MED13: variants seen among roughly 807,000 people sequenced by gnomAD.
MED13 encodes the protein mediator complex subunit 13.
MED13 carries 23 observed loss-of-function variants against 225.2 expected under a neutral mutation model. The ratio of observed to expected loss-of-function variants is 0.10; its 90% CI spans 0.07 to 0.14. MED13 has a LOEUF of 0.14. MED13 is among the 10% of genes least tolerant of loss of function. The pLI is 1.00. For synonymous variants in MED13, 942 were observed against 889.2 expected (o/e 1.06, Z -1.06); for missense variants, 2,197 against 2,594.5 (o/e 0.85, Z 3.33).
chr17:61,987,441 A>G (rs1048517339), intron 11 of MED13, among the ~76,000 whole-genome samples: 2 of 152,130 alleles, frequency 1.3e-5, no homozygotes, highest in African/African-American at 4.8e-5. Flanking sequence ...CTTAAAAACA[A>G]AAACAAAAAA....
intron 26 of MED13, among the ~76,000 whole-genome samples, chr17:61,954,972 G>A (rs934105278): frequency 6.6e-6 from 1 of 152,058 alleles, no homozygotes; most frequent in African/African-American, 2.4e-5. Context: ...CAGTTTCGTT[G>A]GACTGCAATC....
At position 62,029,911 on chromosome 17, in the gene MED13, A is replaced by G; in HGVS notation, c.1112T>C (p.Leu371Ser). 6.2e-7 allele frequency: 1 copy of G among 1,613,976 alleles called. No individual in the cohort carries two copies. Among genetic ancestry groups the G allele is most frequent in the Non-Finnish European group, 8.5e-7 (1 of 1,179,976 alleles). ...SHHGGKIPRKLANHVVDRVWQ... is the reference protein window; with the variant it reads ...SHHGGKIPRKSANHVVDRVWQ... Reference sequence around the variant, plus strand: ...AACTCTATCCACCACATGATTTGCTAATTTTCTGGGTATTTTCCCACCATG... The same window carrying G: ...AACTCTATCCACCACATGATTTGCTGATTTTCTGGGTATTTTCCCACCATG... Residue 371 changes from leucine (L) to serine (S), a missense_variant, in exon 7 of 30, where the codon TTA (leucine) becomes TCA (serine). By Grantham distance (145) the Leu-to-Ser change is moderately radical (BLOSUM62 -2). Around this residue, in one of 12 missense-constraint regions of MED13, gnomAD observed 884 missense variants for 918.5 expected, o/e 0.96. Coordinates refer to ENST00000397786, the MANE Select transcript of MED13 (RefSeq NM_005121.3).
At chr17:62,014,119 A>G (rs2080538282) in intron 8 of MED13, among the ~76,000 whole-genome samples, 1 of 151,930 alleles carries the variant, frequency 6.6e-6, no homozygotes, top group African/African-American at 2.4e-5. Context: ...CAATCTTAAC[A>G]TTACTAGATA....
chr17:61,965,951 T>C (rs544948369), intron 19 of MED13, among the ~76,000 whole-genome samples: 224 of 151,890 alleles, frequency 1.5e-3, no homozygotes, highest in African/African-American at 5.2e-3. Context: ...GGAAGTCCAC[T>C]GATCTTTATT....
chr17:62,014,040 C>T (rs116632166), intron 8 of MED13, among the ~76,000 whole-genome samples: 11,391 of 151,694 alleles, frequency 0.075, 1,476 homozygotes, highest in African/African-American at 0.26. Flanking sequence ...CTCTGTCCCA[C>T]CCCCCACCAA....
Position 61,995,270 on chromosome 17 carries a change from T to C in MED13, c.2063A>G (p.Asp688Gly). The part of the protein sequence containing the change: ...KNQCLSAIAS[D>G]AEQEPKIDPY... ...ATCAATTTTAGGTTCTTGTTCTGCATCAGATGCTATTGCTGAAAGACACTG... is the reference window on the plus strand; with the variant it reads ...ATCAATTTTAGGTTCTTGTTCTGCACCAGATGCTATTGCTGAAAGACACTG... Residue 688 changes from aspartate to glycine, a missense_variant, in exon 10 of 30, where the codon GAT becomes GGT. Physicochemically the swap from Asp to Gly is moderately conservative, Grantham distance 94 (BLOSUM62 -1). Transcript: ENST00000397786. The C allele has an allele frequency of 6.2e-7, 1 of 1,613,828 alleles. No homozygotes were observed. The highest frequency in any genetic ancestry group is 8.5e-7 in the Non-Finnish European group (1 of 1,179,856).
At chr17:62,055,165 C>T (rs2080986573) in intron 2 of MED13, among the ~76,000 whole-genome samples, 1 of 152,142 alleles carries the variant, frequency 6.6e-6, no homozygotes, top group African/African-American at 2.4e-5. Flanking sequence ...GAGGCCAAGG[C>T]AAGTGGACCA....
rs1214697306 is a variant in MED13, at chr17:61,965,422, C to T, written c.4428G>A (p.Gln1476=). ...GACTTGTAGGGGCAACTAAATTTGG[C>T]TGGGAAAGTAGAGAGCTGTCCAATG... The part of the protein sequence containing the change: ...SLPLDSSLLS[Q]PNLVAPTSQS... Residue 1476 remains glutamine, a synonymous_variant, in exon 20 of 30, where the codon CAG becomes CAA. Transcript: ENST00000397786. 1 of 1,614,066 alleles carries T rather than the reference C, an allele frequency of 6.2e-7. No homozygotes were observed. Among genetic ancestry groups the T allele is most frequent in the Non-Finnish European group, 8.5e-7 (1 of 1,179,984 alleles).
chr17:61,988,812 CT>C (rs1196681595), intron 11 of MED13, among the ~76,000 whole-genome samples: 1 of 151,378 alleles, frequency 6.6e-6, no homozygotes, highest in Admixed American at 6.6e-5. Context: ...TATACAGGTA[CT>C]TTTTTTTATG....
intron 23 of MED13, among the ~76,000 whole-genome samples, chr17:61,958,550 G>T (rs1363078054): frequency 1.3e-5 from 2 of 152,016 alleles, no homozygotes; most frequent in Non-Finnish European, 2.9e-5. Flanking sequence ...TGTTGGCCAG[G>T]ATGGTCTTGA....
At chr17:61,992,458 C>A in intron 11 of MED13, 82 bp downstream of exon 11, 1 of 799,024 alleles carries the variant, frequency 1.3e-6, no homozygotes, top group Non-Finnish European at 2.1e-6. Context: ...CAAAAAGGAA[C>A]ATTAGAAGTC....
chr17:62,037,955 C>CAAAAAAAAAAAAAAAAAAAA (rs397857634), intron 3 of MED13, among the ~76,000 whole-genome samples: 1 of 64,728 alleles, frequency 1.5e-5, no homozygotes, highest in Non-Finnish European at 3.1e-5. Context: ...GACTTCATCT[C>CAAAAAAAAAAAAAAAAAAAA]AAAAAAAAAA....
chr17:62,042,712 T>C lies in MED13; in HGVS notation c.471-7104A>G, dbSNP rs192424972. Among the ~76,000 whole-genome samples the C allele has an allele frequency of 7.9e-5, 12 of 152,154 alleles. No homozygotes were observed. The East Asian group carries it at 2.1e-3, about 27-fold the overall frequency. The stretch of plus-strand genomic sequence containing the variant: ...ACTATTTCCTGTAACTTAAAAAAAA[T>C]ACATGTGTAGGAGACATATCGGTCT... On this transcript the variant is annotated intron_variant, in intron 3 of 29. Coordinates refer to ENST00000397786, the MANE Select transcript of MED13 (RefSeq NM_005121.3).
chr17:62,038,253 G>T (rs983375100), intron 3 of MED13, among the ~76,000 whole-genome samples: 1 of 151,970 alleles, frequency 6.6e-6, no homozygotes, highest in South Asian at 2.1e-4. Flanking sequence ...AATTAGCTAG[G>T]TGGGGTGTGG....
intron 10 of MED13, among the ~76,000 whole-genome samples, chr17:61,994,773 G>T (rs182561876): frequency 6.6e-6 from 1 of 152,302 alleles, no homozygotes; most frequent in African/African-American, 2.4e-5. Flanking sequence ...GCAGTAGCCT[G>T]ATCTTGGCTC....
At chr17:61,957,258 G>A (rs1414147401) in intron 23 of MED13, among the ~76,000 whole-genome samples, 1 of 152,074 alleles carries the variant, frequency 6.6e-6, no homozygotes, top group Non-Finnish European at 1.5e-5. Flanking sequence ...TGTTGGCCAG[G>A]CTGGTCTCAA....
At chr17:62,005,294 C>T (rs575469225) in intron 9 of MED13, 16 of 152,290 alleles carry the variant, frequency 1.1e-4, no homozygotes, top group Admixed American at 3.9e-4. Context: ...ATTAACAATC[C>T]AGATTAATTT....
rs376182430 is a variant in MED13, at chr17:61,982,343, C to A, written c.3660G>T (p.Trp1220Cys). 1 of 1,614,166 alleles carries A rather than the reference C, an allele frequency of 6.2e-7. No homozygotes were observed. The highest frequency in any genetic ancestry group is 8.5e-7 in the Non-Finnish European group (1 of 1,180,026). ...PFPKSGVISNWVRVEERDCCN... is the reference protein window; with the variant it reads ...PFPKSGVISNCVRVEERDCCN... ...AACAGTCACGCTCTTCAACACGTAC[C>A]CAATTGCTAATTACACCACTTTTAG... The change falls in exon 16 of 30, where the codon TGG (tryptophan) becomes TGT (cysteine). Residue 1220 changes from tryptophan (W) to cysteine (C), a missense_variant. By Grantham distance (215) the Trp-to-Cys change is radical. Transcript: ENST00000397786.
chr17:61,995,386 AAATT>A (rs761738877), intron 9 of MED13, 21 bp from the exon 10 acceptor site: 36 of 1,539,316 alleles, frequency 2.3e-5, no homozygotes, highest in African/African-American at 9.7e-5. Context: ...AAATTAAAAA[AAATT>A]AATTATCCAC....
Sources: allele counts gnomAD v4.1 joint callset (sites outside exome capture counted in the v4.1 genomes callset), GRCh38; gene constraint gnomAD v4.1.1; regional missense constraint gnomAD v4.1.1; transcripts MANE v1.5; gene names NCBI Gene and HGNC (gene_info 2026-07-23, HGNC 2026-07-21).